The following SMG5 variants were observed in gnomAD, a reference collection of about 807,000 sequenced individuals.
SMG5 encodes SMG5 nonsense mediated mRNA decay factor, also known as nonsense-mediated mRNA decay factor SMG5.
SMG5 carries 53 observed loss-of-function variants against 122.9 expected under a neutral mutation model. The observed-to-expected ratio is 0.43, with a 90% CI of 0.35 to 0.54. The LOEUF is 0.54. Ranked by LOEUF, SMG5 falls within the 20% of genes least tolerant of loss-of-function variation. The pLI, the probability that SMG5 is intolerant of heterozygous loss-of-function variation, is 0.01. For missense variants in SMG5, 1,153 were observed against 1,285.6 expected (o/e 0.90, Z 1.58); for synonymous variants, 477 against 490.2 (o/e 0.97, Z 0.35).
At chr1:156,278,185 T>A (rs996748056) in intron 2 of SMG5, 137 bp from the exon 3 acceptor site, 4 of 1,103,588 alleles carry the variant, frequency 3.6e-6, no homozygotes, top group Non-Finnish European at 5.1e-6. Flanking sequence ...AGGGTCAATA[T>A]GACCCAGCAC....
intron 12 of SMG5, among the ~76,000 whole-genome samples, chr1:156,263,853 G>A (rs1223382938): frequency 1.3e-5 from 2 of 152,142 alleles, no homozygotes; most frequent in Admixed American, 6.5e-5. Flanking sequence ...AATTTGTGAC[G>A]TTGATCTACA....
chr1:156,250,797 G>A lies in SMG5; in HGVS notation c.2967+61C>T, dbSNP rs764261788. On this transcript the variant is annotated intron_variant, in intron 21 of 21. Coordinates refer to ENST00000361813, the MANE Select transcript of SMG5 (RefSeq NM_015327.3). ...TAGCTATGTGGAGGGTCTGGGGATG[G>A]AGTCTGCTCTGGTACCTCGTCCCTA... The A allele has an allele frequency of 1.7e-4, 274 of 1,607,362 alleles. 1 individual carries two copies. The highest frequency in any genetic ancestry group is 2.3e-4 in the Non-Finnish European group (265 of 1,174,902).
At chr1:156,268,232 T>C in intron 8 of SMG5, 49 bp from the exon 9 acceptor site, 1 of 1,614,100 alleles carries the variant, frequency 6.2e-7, no homozygotes, top group East Asian at 2.2e-5. Context: ...CCGCAGTCCC[T>C]ATGGTCCTAC....
intron 16 of SMG5, 114 bp downstream of exon 16, chr1:156,258,891 G>T (rs1661691415): frequency 1.5e-6 from 2 of 1,299,826 alleles, no homozygotes; most frequent in East Asian, 5.2e-5. Context: ...CTCTCCCTAG[G>T]CATCTTACTA....
At chr1:156,286,611 C>T (rs1327752878), upstream of SMG5, 1 of 811,948 alleles carries the variant, frequency 1.2e-6, no homozygotes, top group Non-Finnish European at 1.9e-6. Flanking sequence ...GAGATAAGTC[C>T]ACCTTCTCTC....
At chr1:156,285,177 C>T, upstream of SMG5, 1 of 1,510,140 alleles carries the variant, frequency 6.6e-7, no homozygotes, top group Non-Finnish European at 8.8e-7. Context: ...TCCTCTGTTC[C>T]CTGCAGGATG....
intron 10 of SMG5, 52 bp from the exon 11 acceptor site, chr1:156,266,730 G>A: frequency 6.3e-7 from 1 of 1,599,178 alleles, no homozygotes; most frequent in Non-Finnish European, 8.5e-7. Context: ...ATGAGGAGTA[G>A]GCACCATCAA....
chr1:156,272,175 G>A (rs572735791), intron 7 of SMG5, 145 bp downstream of exon 7: 21 of 713,744 alleles, frequency 2.9e-5, no homozygotes, highest in Non-Finnish European at 5.0e-5. Context: ...CTGTGTCAGA[G>A]TCCCCCTGAA....
chr1:156,290,298 T>C, the SMG5 span: 2 of 153,740 alleles, frequency 1.3e-5, no homozygotes, highest in Non-Finnish European at 2.9e-5. Flanking sequence ...TTCTTCCTCC[T>C]TTCTTTCTTC....
Position 156,282,722 on chromosome 1 carries a change from C to A in SMG5, c.-42G>T. 1 of 1,557,202 alleles carries A rather than the reference C, an allele frequency of 6.4e-7. No individual in the cohort carries two copies. The highest frequency in any genetic ancestry group is 8.7e-7 in the Non-Finnish European group (1 of 1,155,746). On this transcript the variant is annotated 5_prime_UTR_variant, in exon 1 of 22. Coordinates refer to ENST00000361813, the MANE Select transcript of SMG5 (RefSeq NM_015327.3). ...GGCAGCTCCCGGTCACAGGCCCCTG[C>A]CACCCACCACTACCGCCAACACTGC...
At chr1:156,272,742 A>C (rs1431115529) in intron 6 of SMG5, among the ~76,000 whole-genome samples, 3 of 151,932 alleles carry the variant, frequency 2.0e-5, no homozygotes, top group African/African-American at 7.3e-5. Flanking sequence ...ATGCCCGGCT[A>C]ATTTTTTGTA....
At chr1:156,266,804 T>A in intron 10 of SMG5, 126 bp from the exon 11 acceptor site, 1 of 992,802 alleles carries the variant, frequency 1.0e-6, no homozygotes, top group Non-Finnish European at 1.4e-6. Flanking sequence ...AAAGATTCTT[T>A]TTTTTTTTTT....
chr1:156,265,707 A>G (rs1662092871), intron 12 of SMG5, 74 bp downstream of exon 12: 1 of 1,549,314 alleles, frequency 6.5e-7, no homozygotes, highest in African/African-American at 1.4e-5. Context: ...CACAGATAGG[A>G]AAGCGGCCTC....
chr1:156,249,474 G>C lies in SMG5; in HGVS notation c.*1113C>G. On this transcript the variant is annotated 3_prime_UTR_variant, in exon 22 of 22. Coordinates refer to ENST00000361813, the MANE Select transcript of SMG5 (RefSeq NM_015327.3). Reference sequence around the variant, plus strand: ...TCCCAGCCTGAGGGGGAGGAGCTGAGGCAATCCTGGCTGCAGCCTCCCACA... The same window carrying C: ...TCCCAGCCTGAGGGGGAGGAGCTGACGCAATCCTGGCTGCAGCCTCCCACA... The C allele has an allele frequency of 2.9e-6, 1 of 346,012 alleles. No individual in the cohort carries two copies. Among genetic ancestry groups the C allele is most frequent in the South Asian group, 2.2e-5 (1 of 45,338 alleles). 21.4% of individuals were successfully genotyped at this position (346,012 alleles called of 1,614,324 possible).
chr1:156,268,068 G>A (rs1247730564), intron 9 of SMG5, 47 bp downstream of exon 9: 3 of 1,593,388 alleles, frequency 1.9e-6, no homozygotes, highest in Middle Eastern at 1.7e-4. Context: ...AAAGCATCAT[G>A]GCTGGGGCTC....
At chr1:156,290,344 A>G in the SMG5 span, 1 of 151,968 alleles carries the variant, frequency 6.6e-6, no homozygotes, top group Non-Finnish European at 1.5e-5. Context: ...TTCTTTCTCC[A>G]AGAAAAGCAC....
intron 16 of SMG5, 173 bp from the exon 17 acceptor site, chr1:156,253,681 T>C: frequency 6.1e-6 from 4 of 654,622 alleles, no homozygotes; most frequent in Non-Finnish European, 1.1e-5. Context: ...ATTCTTCCAC[T>C]GCACTCTGAA....
intron 8 of SMG5, 24 bp downstream of exon 8, chr1:156,268,266 G>A (rs200380861): frequency 9.0e-5 from 145 of 1,614,030 alleles, no homozygotes; most frequent in Admixed American, 1.7e-4. Context: ...GAAAAAACCC[G>A]TCCTCCTCAC....
upstream of SMG5, chr1:156,285,109 G>T: frequency 1.5e-6 from 2 of 1,330,178 alleles, no homozygotes; most frequent in Non-Finnish European, 2.0e-6. Flanking sequence ...GCCCTGGAGA[G>T]TATGAGTTCT....
Sources: allele counts gnomAD v4.1 joint callset (sites outside exome capture counted in the v4.1 genomes callset), GRCh38; gene constraint gnomAD v4.1.1; transcripts MANE v1.5; gene names NCBI Gene and HGNC (gene_info 2026-07-23, HGNC 2026-07-21).